DDOST: variants seen among roughly 807,000 people sequenced by gnomAD.
DDOST encodes the protein dolichyl-diphosphooligosaccharide--protein glycosyltransferase 48 kDa subunit.
DDOST carries 25 observed loss-of-function variants against 47.6 expected under a neutral mutation model. That is an observed-to-expected ratio of 0.53 (90% CI 0.38 to 0.73). The LOEUF (loss-of-function observed/expected upper bound fraction) is 0.73. Among genes scored for constraint, DDOST ranks in the 30% least tolerant of loss-of-function variants. The probability of loss-of-function intolerance (pLI) is 0.00; values close to 1 mark genes in which losing one functional copy is unlikely to be tolerated. For missense variants in DDOST, 526 were observed against 573.9 expected (o/e 0.92, Z 0.85); for synonymous variants, 275 against 236.0 (o/e 1.17, Z -1.51).
intron 2 of DDOST, among the ~76,000 whole-genome samples, chr1:20,656,659 C>A (rs1017868381): frequency 1.3e-5 from 2 of 152,204 alleles, no homozygotes; most frequent in African/African-American, 4.8e-5. Flanking sequence ...CATCACTTGA[C>A]AATAGTACTC....
At chr1:20,658,619 T>C (rs1021293886) in intron 2 of DDOST, among the ~76,000 whole-genome samples, 2 of 152,282 alleles carry the variant, frequency 1.3e-5, no homozygotes, top group Non-Finnish European at 2.9e-5. Flanking sequence ...CTTAGTTTGA[T>C]ACTAGTTGTT....
At chr1:20,653,108 C>G in intron 8 of DDOST, 137 bp from the exon 9 acceptor site, 2 of 1,016,058 alleles carry the variant, frequency 2.0e-6, no homozygotes, top group South Asian at 3.1e-5. Context: ...GCAGATGCCC[C>G]TGCCACCCGG....
chr1:20,656,063 G>T, intron 3 of DDOST, 38 bp downstream of exon 3: 3 of 1,540,236 alleles, frequency 1.9e-6, no homozygotes, highest in Non-Finnish European at 2.7e-6. Context: ...ACTCCCTGGA[G>T]AAGTGGAAAG....
In DDOST at chr1:20,652,629, A is replaced by T; in HGVS notation, c.1162T>A (p.Ser388Thr). The change falls in exon 10 of 11, where the codon TCC (serine) becomes ACC (threonine). Residue 388 changes from serine to threonine, a missense_variant. Coordinates refer to ENST00000602624, the MANE Select transcript of DDOST (RefSeq NM_005216.5). ...NRLGYTHLYS[S>T]TQVSVRPLQH... ...CTGTCACCTGTGCTTACCTGAGTGG[A>T]AGAGTACAGGTGTGTGTAGCCTAGC... The T allele has an allele frequency of 6.2e-7, 1 of 1,614,102 alleles. No individual in the cohort carries two copies. The highest frequency in any genetic ancestry group is 1.1e-5 in the South Asian group (1 of 91,082).
chr1:20,654,367 G>T lies in DDOST; in HGVS notation c.650C>A (p.Pro217Gln). ...GAGGGTGTTCTTCCCCACCGCATGTGGATACTGGGAACAAAACGAGGCTGT... is the reference window on the plus strand; with the variant it reads ...GAGGGTGTTCTTCCCCACCGCATGTTGATACTGGGAACAAAACGAGGCTGT... ...FFPDKPITQY[P>Q]HAVGKNTLLI... Residue 217 changes from proline to glutamine, a missense_variant, in exon 7 of 11, where the codon CCA becomes CAA. Coordinates refer to ENST00000602624, the MANE Select transcript of DDOST (RefSeq NM_005216.5). 1 of 1,559,250 alleles carries T rather than the reference G, an allele frequency of 6.4e-7. No homozygotes were observed.
At position 20,652,051 on chromosome 1, in the gene DDOST, T is replaced by G. The variant is rs957520163; in HGVS notation, c.*328A>C. On this transcript the variant is annotated 3_prime_UTR_variant, in exon 11 of 11. Transcript: ENST00000602624. ...CGTGTTAGCCAGGATAGTCTCGATC[T>G]CCTGACCTCGTGAGCCGCCTGCCTC... 65 of 195,680 alleles carry G rather than the reference T, an allele frequency of 3.3e-4. 1 individual carries two copies. The highest frequency in any genetic ancestry group is 1.4e-3 in the African/African-American group (61 of 42,232). 12.1% of individuals were successfully genotyped at this position (195,680 alleles called of 1,614,324 possible).
At chr1:20,655,118 C>T (rs762796299) in intron 5 of DDOST, among the ~76,000 whole-genome samples, 55 of 151,864 alleles carry the variant, frequency 3.6e-4, no homozygotes, top group Non-Finnish European at 6.9e-4. Context: ...CCTCAGCCTC[C>T]CAAAGTGCTG....
chr1:20,654,597 G>T lies in DDOST; in HGVS notation c.645+17C>A. 6.5e-7 allele frequency: 1 copy of T among 1,547,298 alleles called. No homozygotes were observed. Among genetic ancestry groups the T allele is most frequent in the Non-Finnish European group, 8.8e-7 (1 of 1,140,982 alleles). ...CTTCATTTTTATTTCGAAGCCTCAA[G>T]GTTGTGAAGCCCTTACCTGGGTGAT... On this transcript the variant is annotated intron_variant, in intron 6 of 10. Coordinates refer to ENST00000602624, the MANE Select transcript of DDOST (RefSeq NM_005216.5).
intron 1 of DDOST, 79 bp from the exon 2 acceptor site, chr1:20,661,070 G>A: frequency 3.4e-6 from 5 of 1,474,458 alleles, no homozygotes; most frequent in Non-Finnish European, 2.8e-6. Flanking sequence ...GGACCCGCAC[G>A]CCAAGCGGCA....
intron 8 of DDOST, 28 bp from the exon 9 acceptor site, chr1:20,652,999 G>A: frequency 6.2e-6 from 10 of 1,613,362 alleles, no homozygotes; most frequent in Non-Finnish European, 8.5e-6. Context: ...GTTAGCCAGG[G>A]CTGGCCATGA....
Position 20,661,250 on chromosome 1 carries a change from A to G in DDOST, c.101T>C (p.Leu34Pro), listed in dbSNP as rs1249881543. The change falls in exon 1 of 11, where the codon CTG becomes CCG. Residue 34 changes from leucine to proline, a missense_variant. Physicochemically the swap from Leu to Pro is moderately conservative, Grantham distance 98 (BLOSUM62 -3). Transcript: ENST00000602624. ...AGTCTCCCGCACGTTGAGGTTGTCC[A>G]GCAGCACTAAGGTGCGGGGTCCGCT... ...CASGPRTLVL[L>P]DNLNVRETHS... 9 of 1,613,954 alleles carry G rather than the reference A, an allele frequency of 5.6e-6. No individual in the cohort carries two copies. Among genetic ancestry groups the G allele is most frequent in the South Asian group, 1.1e-5 (1 of 91,096 alleles).
chr1:20,658,689 C>T (rs1212142323), intron 2 of DDOST, among the ~76,000 whole-genome samples: 3 of 152,186 alleles, frequency 2.0e-5, no homozygotes, highest in South Asian at 2.1e-4. Context: ...TCAAAGCCTT[C>T]GGCAGGCAGC....
At chr1:20,656,010 C>G (rs564194514) in intron 3 of DDOST, 91 bp downstream of exon 3, 1 of 1,134,276 alleles carries the variant, frequency 8.8e-7, no homozygotes, top group East Asian at 2.3e-5. Context: ...AAGGCCCACC[C>G]AGTGAATGCT....
intron 2 of DDOST, among the ~76,000 whole-genome samples, chr1:20,658,129 A>G (rs1205668633): frequency 2.6e-5 from 4 of 152,270 alleles, no homozygotes; most frequent in African/African-American, 9.6e-5. Context: ...GACCACCTGG[A>G]GTTAAAACTA....
At chr1:20,658,622 T>G (rs903427482) in intron 2 of DDOST, among the ~76,000 whole-genome samples, 1 of 152,270 alleles carries the variant, frequency 6.6e-6, no homozygotes, top group Non-Finnish European at 1.5e-5. Flanking sequence ...AGTTTGATAC[T>G]AGTTGTTAGA....
Position 20,655,679 on chromosome 1 carries a change from G to A in DDOST, c.453C>T (p.Gly151=). ...DHHNYDISDL[G]QHTLIVADTE... ...GGAAGGTGACAGGCCTGATTACCTG[G>A]CCAAGGTCTGAGATGTCATAGTTGT... The change falls in exon 4 of 11, where the codon GGC becomes GGT. Residue 151 remains glycine, a synonymous_variant. Transcript: ENST00000602624. 5.6e-6 allele frequency: 9 copies of A among 1,613,276 alleles called. No individual in the cohort carries two copies. In the South Asian group the frequency reaches 8.8e-5, roughly 16 times the overall value.
At chr1:20,657,506 C>T (rs770864518) in intron 2 of DDOST, among the ~76,000 whole-genome samples, 27 of 152,154 alleles carry the variant, frequency 1.8e-4, no homozygotes, top group Non-Finnish European at 5.9e-5. Context: ...CAGGCCTCCA[C>T]GCCTTCTGAT....
chr1:20,656,181 C>A lies in DDOST; in HGVS notation c.272G>T (p.Gly91Val), dbSNP rs368552269. 1 of 1,613,876 alleles carries A rather than the reference C, an allele frequency of 6.2e-7. No homozygotes were observed. The highest frequency in any genetic ancestry group is 1.3e-5 in the African/African-American group (1 of 74,916). Residue 91 changes from glycine (G) to valine (V), a missense_variant, in exon 3 of 11, where the codon GGA becomes GTA. Gly to Val is a moderately radical substitution (Grantham distance 109). Coordinates refer to ENST00000602624, the MANE Select transcript of DDOST (RefSeq NM_005216.5). ...IIFSPSVEDF[G>V]GNINVETISA... is the part of the protein sequence containing the mutation. Reference sequence around the variant, plus strand: ...GATGGTCTCCACGTTGATGTTGCCTCCAAAATCTGAAAGCAGGCACCAGAC... The same window carrying A: ...GATGGTCTCCACGTTGATGTTGCCTACAAAATCTGAAAGCAGGCACCAGAC...
intron 5 of DDOST, among the ~76,000 whole-genome samples, chr1:20,655,173 T>TG (rs1570414887): frequency 8.8e-6 from 1 of 113,540 alleles, no homozygotes; most frequent in African/African-American, 3.2e-5. Context: ...TTTTTTTTGT[T>TG]TTTTTTTTTT....
Sources: gnomAD v4.1 joint callset for allele counts (sites outside exome capture counted in the v4.1 genomes callset) on GRCh38, gnomAD v4.1.1 for gene constraint, MANE v1.5 for transcripts, NCBI Gene and HGNC (gene_info 2026-07-23, HGNC 2026-07-21) for gene names.